The following LATS2 variants were observed in gnomAD, a reference collection of about 807,000 sequenced individuals.
LATS2 encodes the protein large tumor suppressor kinase 2.
LATS2 carries 24 observed loss-of-function variants against 76.0 expected under a neutral mutation model. The ratio of observed to expected loss-of-function variants is 0.32; its 90% CI spans 0.23 to 0.44. The LOEUF (loss-of-function observed/expected upper bound fraction) is 0.44. LATS2 is among the 20% of genes least tolerant of loss of function. LATS2 has a pLI of 1.00. For missense variants in LATS2, 1,286 were observed against 1,481.2 expected (o/e 0.87, Z 2.16); for synonymous variants, 692 against 635.4 (o/e 1.09, Z -1.34).
At chr13:20,976,074 C>T (rs957857635) in intron 7 of LATS2, among the ~76,000 whole-genome samples, 2 of 152,194 alleles carry the variant, frequency 1.3e-5, no homozygotes, top group African/African-American at 4.8e-5. Flanking sequence ...AGCTGACTGA[C>T]CCCATGTGAC....
chr13:20,980,348 C>A (rs745332556), intron 6 of LATS2, among the ~76,000 whole-genome samples: 34 of 152,332 alleles, frequency 2.2e-4, no homozygotes, highest in Non-Finnish European at 4.4e-4. Flanking sequence ...TGGGTCAGGG[C>A]TGGCCTCTGG....
chr13:21,048,207 A>G (rs1240685874), intron 1 of LATS2, among the ~76,000 whole-genome samples: 1 of 152,228 alleles, frequency 6.6e-6, no homozygotes. Context: ...GTAACTTCAC[A>G]TTCCGACAAA....
intron 2 of LATS2, among the ~76,000 whole-genome samples, chr13:20,996,256 T>C (rs1293273426): frequency 6.6e-6 from 1 of 152,190 alleles, no homozygotes; most frequent in Non-Finnish European, 1.5e-5. Flanking sequence ...ATCTCCTGCC[T>C]CTAACTTACC....
At chr13:21,057,227 G>T (rs916253806) in intron 1 of LATS2, among the ~76,000 whole-genome samples, 1 of 152,202 alleles carries the variant, frequency 6.6e-6, no homozygotes, top group East Asian at 1.9e-4. Flanking sequence ...CTAACAATCA[G>T]TGTTAACAAG....
chr13:20,993,330 T>C (rs1214225445), intron 2 of LATS2, among the ~76,000 whole-genome samples: 1 of 152,210 alleles, frequency 6.6e-6, no homozygotes, highest in Non-Finnish European at 1.5e-5. Context: ...ACACAGTGCC[T>C]AGAACAAATT....
Position 20,988,408 on chromosome 13 carries a change from C to T in LATS2, c.1372G>A (p.Val458Met). ...RVLRPEPQTA[V>M]GPSHPAWVPA... ...ACCCAGGCGGGGTGCGAGGGCCCCA[C>T]AGCCGTCTGCGGCTCCGGCCTCAGC... Residue 458 changes from valine (V) to methionine (M), a missense_variant, in exon 4 of 8, where the codon GTG (valine) becomes ATG (methionine). By Grantham distance (21) the Val-to-Met change is conservative (BLOSUM62 1). This residue lies in a region of LATS2 where 710 missense variants were observed against 660.9 expected (regional missense o/e 1.07). Transcript: ENST00000382592. 1 of 1,414,770 alleles carries T rather than the reference C, an allele frequency of 7.1e-7. No homozygotes were observed. Among genetic ancestry groups the T allele is most frequent in the Non-Finnish European group, 9.1e-7 (1 of 1,094,286 alleles). 87.6% of individuals were successfully genotyped at this position (1,414,770 alleles called of 1,614,324 possible).
chr13:21,059,230 AT>A, intron 1 of LATS2, among the ~76,000 whole-genome samples: 1 of 152,330 alleles, frequency 6.6e-6, no homozygotes, highest in Non-Finnish European at 1.5e-5. Flanking sequence ...ATTAATTTGA[AT>A]TTTTTACCGG....
intron 2 of LATS2, chr13:21,017,994 C>T (rs941318962): frequency 6.6e-6 from 1 of 152,098 alleles, no homozygotes; most frequent in South Asian, 2.1e-4. Context: ...TTCTTTATAT[C>T]CTCCAAATTT....
intron 4 of LATS2, among the ~76,000 whole-genome samples, chr13:20,984,819 AAAC>A (rs1245213884): frequency 6.6e-6 from 1 of 152,216 alleles, no homozygotes; most frequent in Non-Finnish European, 1.5e-5. Context: ...TTACTAGAAA[AAAC>A]AATACTAAAA....
chr13:21,037,767 C>T (rs1365524972), intron 2 of LATS2, among the ~76,000 whole-genome samples: 1 of 152,142 alleles, frequency 6.6e-6, no homozygotes, highest in Non-Finnish European at 1.5e-5. Context: ...GCAGGGCCAG[C>T]ACTGGGCAGC....
chr13:21,025,217 T>TA lies in LATS2; in HGVS notation c.342+20467dup, dbSNP rs11357046. The stretch of plus-strand genomic sequence containing the variant: ...CAACATGGCGAAACCCCGTCTCTAC[T>TA]AAAAAAAAAAAAAAAAATACAAAAA... On this transcript the variant is annotated intron_variant, in intron 2 of 7. Transcript: ENST00000382592. Among the ~76,000 whole-genome samples the TA allele has an allele frequency of 3.4e-3, 462 of 134,940 alleles. 1 individual carries two copies. Among genetic ancestry groups the TA allele is most frequent in the Admixed American group, 0.013 (174 of 13,508 alleles). The allele number at this position is 134,940 out of a possible 152,430, so 88.5% of individuals were successfully genotyped here.
chr13:20,981,554 C>G lies in LATS2; in HGVS notation c.2577G>C (p.Gln859His), dbSNP rs765558689. Residue 859 changes from glutamine to histidine, a missense_variant, in exon 6 of 8, where the codon CAG (glutamine) becomes CAC (histidine). Around this residue, in one of 5 missense-constraint regions of LATS2, gnomAD observed 247 missense variants for 385.4 expected, o/e 0.64. Transcript: ENST00000382592. The stretch of plus-strand genomic sequence containing the variant: ...ACCTCTGGTGCTGCTTCCGCGCCCT[C>G]TGCTCTAGGGTCTTCAGCCTGTCCC... ...RCGDRLKTLE[Q>H]RARKQHQRCL... 1.2e-6 allele frequency: 2 copies of G among 1,614,182 alleles called. No homozygotes were observed. Among genetic ancestry groups the G allele is most frequent in the South Asian group, 2.2e-5 (2 of 91,088 alleles).
chr13:20,997,621 A>G (rs1450503842), intron 2 of LATS2, among the ~76,000 whole-genome samples: 1 of 152,176 alleles, frequency 6.6e-6, no homozygotes, highest in Non-Finnish European at 1.5e-5. Flanking sequence ...CCAGCTCTCC[A>G]GCTGCTGACC....
chr13:21,017,323 C>T (rs1385174805), intron 2 of LATS2, among the ~76,000 whole-genome samples: 3 of 152,142 alleles, frequency 2.0e-5, no homozygotes, highest in Non-Finnish European at 2.9e-5. Context: ...AGAGGTGATG[C>T]AATCCTTTTT....
At chr13:21,019,451 CA>C (rs1374498821) in intron 2 of LATS2, among the ~76,000 whole-genome samples, 1 of 148,768 alleles carries the variant, frequency 6.7e-6, no homozygotes, top group African/African-American at 2.4e-5. Flanking sequence ...CTCAGCCTCC[CA>C]AGTAGCTGGA....
chr13:21,054,801 A>AC (rs1873397984), intron 1 of LATS2, among the ~76,000 whole-genome samples: 2 of 152,130 alleles, frequency 1.3e-5, no homozygotes, highest in South Asian at 2.1e-4. Context: ...CTTATGAAAA[A>AC]TGTCAAACAT....
intron 2 of LATS2, among the ~76,000 whole-genome samples, chr13:21,004,263 C>T (rs548176686): frequency 4.8e-4 from 73 of 152,150 alleles, no homozygotes; most frequent in Admixed American, 1.4e-3. Context: ...GGTGAAACCC[C>T]GTCTCTGTTA....
At position 20,975,045 on chromosome 13, in the gene LATS2, T is replaced by C. The variant is rs1426440885; in HGVS notation, c.3092A>G (p.Lys1031Arg). Residue 1031 changes from lysine (K) to arginine (R), a missense_variant, in exon 8 of 8, where the codon AAG becomes AGG. Physicochemically the swap from Lys to Arg is conservative, Grantham distance 26. Transcript: ENST00000382592. ...TTCGTAAAATGCGTGCTCAGGATGC[T>C]TGTTATTGGGCGAGGTGAGTGTGTC... The part of the protein sequence containing the change: ...AWDTLTSPNN[K>R]HPEHAFYEFT... The C allele has an allele frequency of 1.9e-6, 3 of 1,614,244 alleles. No homozygotes were observed. Among genetic ancestry groups the C allele is most frequent in the Non-Finnish European group, 2.5e-6 (3 of 1,180,046 alleles).
At chr13:21,003,019 T>C (rs1041167870) in intron 2 of LATS2, among the ~76,000 whole-genome samples, 1 of 152,156 alleles carries the variant, frequency 6.6e-6, no homozygotes, top group Admixed American at 6.5e-5. Context: ...ATCTTAAAAT[T>C]TGAATGGTTT....
Sources: allele counts gnomAD v4.1 joint callset (sites outside exome capture counted in the v4.1 genomes callset), GRCh38; gene constraint gnomAD v4.1.1; regional missense constraint gnomAD v4.1.1; transcripts MANE v1.5; gene names NCBI Gene and HGNC (gene_info 2026-07-23, HGNC 2026-07-21).